Variants in CEP85L observed in about 807,000 individuals in gnomAD.
CEP85L encodes centrosomal protein of 85 kDa-like.
A neutral mutation model predicts 100.3 loss-of-function variants in CEP85L; 60 were observed. The ratio of observed to expected loss-of-function variants is 0.60; its 90% CI spans 0.49 to 0.74. The LOEUF (loss-of-function observed/expected upper bound fraction) is 0.74. Ranked by LOEUF, CEP85L falls within the 30% of genes least tolerant of loss-of-function variation. CEP85L has a pLI of 0.00. For synonymous variants in CEP85L, 319 were observed against 322.7 expected, an observed-to-expected ratio of 0.99 and a Z score of 0.12; for missense variants, 973 against 936.2, an observed-to-expected ratio of 1.04 and a Z score of -0.51.
At chr6:118,664,966 T>C (rs1776086963) in intron 1 of CEP85L, among the ~76,000 whole-genome samples, 1 of 152,246 alleles carries the variant, frequency 6.6e-6, no homozygotes, top group Non-Finnish European at 1.5e-5. Flanking sequence ...CTCTAAGGCA[T>C]GAACATGATT....
intron 4 of CEP85L, among the ~76,000 whole-genome samples, chr6:118,511,698 G>C (rs1229547294): frequency 6.6e-6 from 1 of 152,150 alleles, no homozygotes; most frequent in African/African-American, 2.4e-5. Context: ...TCATGATGAA[G>C]TTTTGAAGGA....
At chr6:118,526,325 G>A (rs927947890) in intron 3 of CEP85L, among the ~76,000 whole-genome samples, 2 of 152,122 alleles carry the variant, frequency 1.3e-5, no homozygotes, top group Non-Finnish European at 2.9e-5. Context: ...CCACTCTCCA[G>A]AATGCCCCAT....
chr6:118,601,208 AC>A (rs1232387966), intron 2 of CEP85L, among the ~76,000 whole-genome samples: 53 of 152,312 alleles, frequency 3.5e-4, no homozygotes, highest in African/African-American at 1.2e-3. Context: ...AAATGAGTTA[AC>A]ATGTGTAAAG....
At chr6:118,638,298 T>C (rs905627227) in intron 1 of CEP85L, among the ~76,000 whole-genome samples, 1 of 152,060 alleles carries the variant, frequency 6.6e-6, no homozygotes, top group Non-Finnish European at 1.5e-5. Context: ...AACTATGTCT[T>C]TAAAAAGAAG....
chr6:118,688,626 T>G (rs1776923016), intron 1 of CEP85L, among the ~76,000 whole-genome samples: 1 of 152,224 alleles, frequency 6.6e-6, no homozygotes, highest in Non-Finnish European at 1.5e-5. Flanking sequence ...AGTTTGTGAA[T>G]TCCTAAGCCA....
intron 5 of CEP85L, 32 bp from the exon 6 acceptor site, chr6:118,491,897 T>C (rs1481000038): frequency 2.0e-6 from 3 of 1,532,018 alleles, no homozygotes; most frequent in African/African-American, 2.8e-5. Flanking sequence ...AGGTAAGACT[T>C]TAAAAGTTTG....
chr6:118,529,787 C>A (rs1777189187), intron 3 of CEP85L, among the ~76,000 whole-genome samples: 1 of 152,004 alleles, frequency 6.6e-6, no homozygotes, highest in African/African-American at 2.4e-5. Context: ...ACTGTCTTAG[C>A]TTTAGTACAT....
intron 1 of CEP85L, among the ~76,000 whole-genome samples, chr6:118,705,780 T>C (rs545211697): frequency 3.2e-4 from 48 of 152,346 alleles, no homozygotes; most frequent in African/African-American, 1.2e-3. Flanking sequence ...TTTAATAATT[T>C]AATGGGAATG....
upstream of CEP85L, chr6:118,652,910 TAG>T: frequency 1.8e-6 from 1 of 557,430 alleles, no homozygotes; most frequent in South Asian, 2.3e-5. Flanking sequence ...TTGAAGAGGA[TAG>T]ATTTTTTTAA....
At chr6:118,669,461 T>C (rs1255651301) in intron 1 of CEP85L, among the ~76,000 whole-genome samples, 3 of 152,148 alleles carry the variant, frequency 2.0e-5, no homozygotes, top group African/African-American at 7.2e-5. Context: ...CTTCCTTACA[T>C]TTGATTCTTT....
intron 3 of CEP85L, among the ~76,000 whole-genome samples, chr6:118,532,903 T>C (rs1158103579): frequency 1.3e-5 from 2 of 152,152 alleles, no homozygotes; most frequent in Non-Finnish European, 2.9e-5. Flanking sequence ...TACTATCATT[T>C]TGGGGGATCA....
Position 118,480,467 on chromosome 6 carries a change from G to C in CEP85L, c.1792C>G (p.Pro598Ala). The change falls in exon 9 of 13, where the codon CCC (proline) becomes GCC (alanine). Residue 598 changes from proline (P) to alanine (A), a missense_variant. By Grantham distance (27) the Pro-to-Ala change is conservative. Transcript: ENST00000368491. ...ERCLEDGIRL[P>A]MLDAKQLQNE... ...TGAAGCTGTTTTGCATCTAACATGG[G>C]AAGGCGGATTCCATCTTCAAGGCAT... is the stretch of plus-strand genomic sequence containing the variant. The C allele has an allele frequency of 1.2e-6, 2 of 1,611,558 alleles. No individual in the cohort carries two copies. Among genetic ancestry groups the C allele is most frequent in the Non-Finnish European group, 1.7e-6 (2 of 1,178,496 alleles).
intron 1 of CEP85L, among the ~76,000 whole-genome samples, chr6:118,704,540 C>A (rs1174797346): frequency 2.0e-5 from 3 of 152,206 alleles, no homozygotes; most frequent in African/African-American, 7.2e-5. Context: ...TTGATCTCTG[C>A]TCACTGCATC....
chr6:118,528,211 TTTTC>T (rs1777085247), intron 3 of CEP85L, among the ~76,000 whole-genome samples: 1 of 143,816 alleles, frequency 7.0e-6, no homozygotes, highest in Non-Finnish European at 1.5e-5. Context: ...TTTCTTTTCT[TTTTC>T]TTTTTTTTTT....
At chr6:118,499,405 C>T (rs779968225) in intron 5 of CEP85L, among the ~76,000 whole-genome samples, 1 of 152,156 alleles carries the variant, frequency 6.6e-6, no homozygotes, top group Non-Finnish European at 1.5e-5. Context: ...GTGGCTCATG[C>T]CTGTAATCCC....
At position 118,569,020 on chromosome 6, in the gene CEP85L, A is replaced by C. The variant is rs557967457; in HGVS notation, c.233-2704T>G. On this transcript the variant is annotated intron_variant, in intron 2 of 12. Transcript: ENST00000368491. The stretch of plus-strand genomic sequence containing the variant: ...ATACAGACCAAAGGTTAAGTATAAC[A>C]GTTTTAATTTCAAAACTATTATATA... Among the ~76,000 whole-genome samples the C allele has an allele frequency of 4.6e-5, 7 of 152,272 alleles. No homozygotes were observed. In the South Asian group the frequency reaches 1.4e-3, roughly 32 times the overall value.
chr6:118,548,251 C>A (rs1465098979), intron 3 of CEP85L: 3 of 152,000 alleles, frequency 2.0e-5, no homozygotes, highest in African/African-American at 7.2e-5. Context: ...CATCATAAGA[C>A]CTCCCTAGAA....
chr6:118,513,611 C>T (rs989308954), intron 4 of CEP85L, among the ~76,000 whole-genome samples: 3 of 151,846 alleles, frequency 2.0e-5, no homozygotes, highest in African/African-American at 2.4e-5. Flanking sequence ...AATTTGAAAA[C>T]AACACAAAAA....
At chr6:118,600,300 GGT>G (rs59278037) in intron 2 of CEP85L, among the ~76,000 whole-genome samples, 4,643 of 52,178 alleles carry the variant, frequency 0.089, 1,240 homozygotes, top group East Asian at 0.14. Context: ...CCTTCCTGGG[GGT>G]GTGTGTGTGT....
Sources: gnomAD v4.1 joint callset for allele counts (sites outside exome capture counted in the v4.1 genomes callset) on GRCh38, gnomAD v4.1.1 for gene constraint, MANE v1.5 for transcripts, NCBI Gene and HGNC (gene_info 2026-07-23, HGNC 2026-07-21) for gene names.